The following JAK1 variants were observed in gnomAD, a reference collection of about 807,000 sequenced individuals.
JAK1 encodes the protein tyrosine-protein kinase JAK1.
A neutral mutation model predicts 136.6 loss-of-function variants in JAK1; 16 were observed. The observed-to-expected ratio is 0.12, with a 90% CI of 0.08 to 0.18. The LOEUF (loss-of-function observed/expected upper bound fraction) is 0.18. JAK1 is among the 10% of genes least tolerant of loss of function. The pLI, the probability that JAK1 is intolerant of heterozygous loss-of-function variation, is 1.00. For synonymous variants in JAK1, 492 were observed against 519.5 expected (o/e 0.95, Z 0.72); for missense variants, 859 against 1,450.1 (o/e 0.59, Z 6.62).
At chr1:64,966,126 GC>G (rs1325842723) in intron 1 of JAK1, among the ~76,000 whole-genome samples, 1 of 151,682 alleles carries the variant, frequency 6.6e-6, no homozygotes, top group African/African-American at 2.4e-5. Context: ...CGACCTCCTC[GC>G]CGCCCGCCGG....
chr1:64,873,583 G>C, intron 4 of JAK1, 60 bp from the exon 5 acceptor site: 1 of 1,600,170 alleles, frequency 6.2e-7, no homozygotes, highest in Non-Finnish European at 8.6e-7. Flanking sequence ...TGGGCAGGGC[G>C]TCCTGGCTCA....
rs1655558790 is a variant in JAK1, at chr1:64,851,032, A to C, written c.1649-122T>G. The C allele has an allele frequency of 4.4e-6, 3 of 687,698 alleles. No homozygotes were observed. The East Asian group carries it at 8.1e-5, about 19-fold the overall frequency. The allele number at this position is 687,698 out of a possible 1,614,324, so 42.6% of individuals were successfully genotyped here. ...GGGCGCTTGCTGCTTCAGTCATTCG[A>C]CAAGTGCTTATTCAATAGGCATATG... On this transcript the variant is annotated intron_variant, in intron 11 of 24. Coordinates refer to ENST00000342505, the MANE Select transcript of JAK1 (RefSeq NM_002227.4).
intron 1 of JAK1, among the ~76,000 whole-genome samples, chr1:64,894,007 C>T (rs1193460459): frequency 1.3e-5 from 2 of 152,248 alleles, no homozygotes; most frequent in African/African-American, 2.4e-5. Flanking sequence ...ACAAATCTAA[C>T]ATGCTTCCTA....
In JAK1 at chr1:64,944,177, G is replaced by A. The variant is rs142173400; in HGVS notation, c.-78+22156C>T. Among the ~76,000 whole-genome samples the A allele has an allele frequency of 1.5e-4, 20 of 132,362 alleles. 1 individual carries two copies. In the East Asian group the frequency reaches 1.6e-3, roughly 11 times the overall value. 86.8% of individuals were successfully genotyped at this position (132,362 alleles called of 152,430 possible). ...GCGGAGCTTGCAGTGAGCCGAGATC[G>A]CACCATTGCACTCCAGCCTGGGCAA... is the stretch of plus-strand genomic sequence containing the variant. On this transcript the variant is annotated intron_variant, in intron 1 of 24. Transcript: ENST00000342505.
intron 1 of JAK1, among the ~76,000 whole-genome samples, chr1:64,939,007 A>C (rs1026316344): frequency 2.0e-5 from 3 of 152,162 alleles, no homozygotes; most frequent in African/African-American, 7.2e-5. Context: ...ACAGGGTCTC[A>C]CTTTGTTGTC....
intron 1 of JAK1, among the ~76,000 whole-genome samples, chr1:64,941,024 C>T (rs1473389066): frequency 5.3e-5 from 8 of 151,994 alleles, no homozygotes; most frequent in African/African-American, 1.5e-4. Context: ...ATTAGCCAGG[C>T]GTGGTGGCGC....
intron 2 of JAK1, among the ~76,000 whole-genome samples, chr1:65,018,872 G>T (rs1041161894): frequency 6.6e-6 from 1 of 152,086 alleles, no homozygotes; most frequent in East Asian, 1.9e-4. Context: ...TTAGCCGGGC[G>T]TGGTGGCGGG....
At chr1:64,937,003 G>A (rs1009343333) in intron 1 of JAK1, among the ~76,000 whole-genome samples, 5 of 150,502 alleles carry the variant, frequency 3.3e-5, no homozygotes, top group African/African-American at 1.2e-4. Flanking sequence ...TAAAGCTTAG[G>A]CCTTTTACAG....
intron 2 of JAK1, among the ~76,000 whole-genome samples, chr1:64,996,329 C>G (rs978415102): frequency 6.6e-6 from 1 of 152,166 alleles, no homozygotes; most frequent in Non-Finnish European, 1.5e-5. Context: ...TTCTTTAAAT[C>G]TCTTGACACT....
intron 2 of JAK1, chr1:64,985,418 G>A: frequency 6.2e-7 from 1 of 1,609,668 alleles, no homozygotes; most frequent in Non-Finnish European, 8.5e-7. Context: ...ACAACCACTG[G>A]AGGATCTCCT....
chr1:64,932,398 C>T (rs1488792344), intron 1 of JAK1, among the ~76,000 whole-genome samples: 1 of 151,856 alleles, frequency 6.6e-6, no homozygotes, highest in African/African-American at 2.4e-5. Flanking sequence ...GGCGACAGAG[C>T]GAGACTCTGT....
chr1:64,951,803 C>T (rs1016437038), intron 1 of JAK1, among the ~76,000 whole-genome samples: 5 of 152,108 alleles, frequency 3.3e-5, no homozygotes, highest in East Asian at 3.9e-4. Context: ...GGACTACAGG[C>T]GCCCGCCACC....
At chr1:64,838,791 A>G (rs953704578) in intron 20 of JAK1, among the ~76,000 whole-genome samples, 3 of 152,226 alleles carry the variant, frequency 2.0e-5, no homozygotes, top group Non-Finnish European at 4.4e-5. Flanking sequence ...CCTCACAGGC[A>G]TAAGCACTCA....
At position 64,838,303 on chromosome 1, in the gene JAK1, T is replaced by C. The variant is rs142849757; in HGVS notation, c.2967+162A>G. On this transcript the variant is annotated intron_variant, in intron 21 of 24. Coordinates refer to ENST00000342505, the MANE Select transcript of JAK1 (RefSeq NM_002227.4). ...ATTAAAATAACCATATTTAAATCCG[T>C]TTACTTTCTTAGTAGAAGCTAACTT... Among the ~76,000 whole-genome samples the C allele has an allele frequency of 6.0e-3, 919 of 152,298 alleles. 10 individuals are homozygous for C. Among genetic ancestry groups the C allele is most frequent in the African/African-American group, 0.021 (881 of 41,564 alleles).
intron 2 of JAK1, among the ~76,000 whole-genome samples, chr1:64,994,820 G>A (rs978575353): frequency 6.6e-6 from 1 of 152,096 alleles, no homozygotes; most frequent in Non-Finnish European, 1.5e-5. Context: ...GGTGGGCTTT[G>A]TGACACTGGA....
At chr1:65,065,097 T>G (rs889096391) in intron 1 of JAK1, among the ~76,000 whole-genome samples, 1 of 152,190 alleles carries the variant, frequency 6.6e-6, no homozygotes, top group African/African-American at 2.4e-5. Context: ...GATTTAAAAG[T>G]TGATCTTTTC....
chr1:64,949,451 C>T (rs6670650), intron 1 of JAK1, among the ~76,000 whole-genome samples: 148,967 of 152,294 alleles, frequency 0.98, 72,921 homozygotes, highest in East Asian at 1. Context: ...TTATTATAAC[C>T]CAGTTGTACA....
In JAK1 at chr1:64,866,942, T is replaced by C. The variant is rs1365195531; in HGVS notation, c.914A>G (p.Asn305Ser). The stretch of plus-strand genomic sequence containing the variant: ...GTAGTAGAGAACGTTTCCACCGTCA[T>C]TCGAATGAAACCAATTCATCTCATT... ...SENEMNWFHSNDGGNVLYYEV... is the reference protein window; with the variant it reads ...SENEMNWFHSSDGGNVLYYEV... The change falls in exon 7 of 25, where the codon AAT becomes AGT. Residue 305 changes from asparagine (N) to serine (S), a missense_variant. Asn to Ser is a conservative substitution (Grantham distance 46). Coordinates refer to ENST00000342505, the MANE Select transcript of JAK1 (RefSeq NM_002227.4). 1.9e-6 allele frequency: 3 copies of C among 1,614,238 alleles called. No individual in the cohort carries two copies. The Admixed American group carries it at 5.0e-5, about 27-fold the overall frequency.
At chr1:64,993,577 T>C (rs1169267554) in intron 2 of JAK1, 1 of 152,224 alleles carries the variant, frequency 6.6e-6, no homozygotes, top group Non-Finnish European at 1.5e-5. Flanking sequence ...TACAGTCCTG[T>C]AATCCTTGAT....
Sources: allele counts gnomAD v4.1 joint callset (sites outside exome capture counted in the v4.1 genomes callset), GRCh38; gene constraint gnomAD v4.1.1; transcripts MANE v1.5; gene names NCBI Gene and HGNC (gene_info 2026-07-23, HGNC 2026-07-21).